The following UBR1 variants were observed in gnomAD, a reference collection of about 807,000 sequenced individuals.
The protein encoded by UBR1 is ubiquitin protein ligase E3 component n-recognin 1.
UBR1 carries 102 observed loss-of-function variants against 242.1 expected under a neutral mutation model. The ratio of observed to expected loss-of-function variants is 0.42; its 90% CI spans 0.36 to 0.50. The LOEUF is 0.50. Ranked by LOEUF, UBR1 falls within the 20% of genes least tolerant of loss-of-function variation. UBR1 has a pLI of 0.01. For missense variants in UBR1, 1,772 were observed against 2,101.8 expected, an observed-to-expected ratio of 0.84 and a Z score of 3.07; for synonymous variants, 675 against 684.8, an observed-to-expected ratio of 0.99 and a Z score of 0.22.
At chr15:42,951,149 A>G (rs1276026035) in intron 45 of UBR1, among the ~76,000 whole-genome samples, 1 of 152,238 alleles carries the variant, frequency 6.6e-6, no homozygotes, top group Non-Finnish European at 1.5e-5. Flanking sequence ...GTGGAAAGAA[A>G]AAGGATATAT....
chr15:42,990,250 T>C lies in UBR1; in HGVS notation c.3758-130A>G. The C allele has an allele frequency of 1.2e-5, 8 of 690,940 alleles. No homozygotes were observed. The South Asian group carries it at 1.4e-4, about 12-fold the overall frequency. The allele number at this position is 690,940 out of a possible 1,614,324, so 42.8% of individuals were successfully genotyped here. Reference sequence around the variant, plus strand: ...CCCATGCTGGAGCACAGTGGCATGATCATCTGTAGCTTCCATCTCCCAGGC... The same window carrying C: ...CCCATGCTGGAGCACAGTGGCATGACCATCTGTAGCTTCCATCTCCCAGGC... On this transcript the variant is annotated intron_variant, in intron 33 of 46. Coordinates refer to ENST00000290650, the MANE Select transcript of UBR1 (RefSeq NM_174916.3).
intron 4 of UBR1, among the ~76,000 whole-genome samples, chr15:43,073,683 A>G (rs2033852315): frequency 1.3e-5 from 2 of 152,188 alleles, no homozygotes; most frequent in South Asian, 2.1e-4. Context: ...TATATATTCA[A>G]TGTGATTCAA....
At chr15:42,973,198 A>G (rs1294041951) in intron 39 of UBR1, among the ~76,000 whole-genome samples, 5 of 152,144 alleles carry the variant, frequency 3.3e-5, no homozygotes, top group African/African-American at 4.8e-5. Flanking sequence ...GGATCTTGCT[A>G]TGTTGCCCAG....
intron 33 of UBR1, among the ~76,000 whole-genome samples, chr15:42,995,977 C>T (rs1388194050): frequency 6.6e-6 from 1 of 152,200 alleles, no homozygotes; most frequent in East Asian, 1.9e-4. Context: ...TGTGTACTCT[C>T]AACTAAGGTA....
intron 34 of UBR1, 121 bp downstream of exon 34, chr15:42,989,909 C>T (rs1483687510): frequency 1.3e-6 from 1 of 770,584 alleles, no homozygotes; most frequent in African/African-American, 1.8e-5. Flanking sequence ...GAGAAAGAAA[C>T]AAGATAATGG....
At chr15:43,046,325 G>C (rs566674505) in intron 14 of UBR1, among the ~76,000 whole-genome samples, 16 of 152,342 alleles carry the variant, frequency 1.1e-4, no homozygotes, top group African/African-American at 2.9e-4. Flanking sequence ...ACCAATTGCT[G>C]GTGGTGAAGC....
intron 19 of UBR1, among the ~76,000 whole-genome samples, chr15:43,032,874 T>C (rs1316148134): frequency 2.0e-5 from 3 of 152,148 alleles, no homozygotes; most frequent in East Asian, 1.9e-4. Flanking sequence ...ATCCCCCACA[T>C]AGTCATAAAT....
chr15:43,031,040 A>G (rs1183031654), intron 20 of UBR1, among the ~76,000 whole-genome samples: 1 of 152,254 alleles, frequency 6.6e-6, no homozygotes, highest in Non-Finnish European at 1.5e-5. Flanking sequence ...TTTACAAATC[A>G]GGAATCTGAG....
At chr15:42,984,471 T>C (rs1016734021) in intron 36 of UBR1, among the ~76,000 whole-genome samples, 93 of 152,336 alleles carry the variant, frequency 6.1e-4, no homozygotes, top group African/African-American at 2.2e-3. Context: ...TACAGTAGTG[T>C]CAGTATCTGC....
chr15:43,083,934 C>T (rs2034002412), intron 2 of UBR1, among the ~76,000 whole-genome samples: 1 of 151,890 alleles, frequency 6.6e-6, no homozygotes, highest in Admixed American at 6.6e-5. Context: ...AGCCCAGCTA[C>T]TCAGGAGGTT....
intron 1 of UBR1, among the ~76,000 whole-genome samples, chr15:43,092,370 C>G (rs1157442229): frequency 6.6e-6 from 1 of 152,172 alleles, no homozygotes; most frequent in Admixed American, 6.5e-5. Context: ...ATGTGTACAT[C>G]TAGCCTCTTC....
intron 1 of UBR1, among the ~76,000 whole-genome samples, chr15:43,105,645 G>C (rs184294682): frequency 7.4e-4 from 113 of 152,202 alleles, no homozygotes; most frequent in South Asian, 1.0e-3. Flanking sequence ...CTCCAACCCC[G>C]CCTCGGCCCC....
rs376156900 is a variant in UBR1, at chr15:43,023,314, G to A, written c.2740-513C>T. Among the ~76,000 whole-genome samples, 39 of 152,064 alleles carry A rather than the reference G, an allele frequency of 2.6e-4. 1 individual carries two copies. Among genetic ancestry groups the A allele is most frequent in the Non-Finnish European group, 7.4e-5 (5 of 68,012 alleles). Reference sequence around the variant, plus strand: ...ATATGAAAAATGTTCAACCTGGCCCGGAGCTGGTGGCTCACTTCTGTAATC... The same window carrying A: ...ATATGAAAAATGTTCAACCTGGCCCAGAGCTGGTGGCTCACTTCTGTAATC... On this transcript the variant is annotated intron_variant, in intron 25 of 46. Transcript: ENST00000290650.
At chr15:43,042,161 T>C (rs751411775) in intron 15 of UBR1, among the ~76,000 whole-genome samples, 2 of 152,066 alleles carry the variant, frequency 1.3e-5, no homozygotes, top group Non-Finnish European at 2.9e-5. Context: ...TCCCAAATGA[T>C]CCAGCAATTC....
At chr15:43,034,236 A>C (rs2033298379) in intron 19 of UBR1, among the ~76,000 whole-genome samples, 1 of 109,426 alleles carries the variant, frequency 9.1e-6, no homozygotes, top group Admixed American at 1.1e-4. Context: ...ACTCCATCTC[A>C]AAAATAAATA....
chr15:43,016,181 A>G (rs2033021023), intron 28 of UBR1, among the ~76,000 whole-genome samples: 1 of 152,248 alleles, frequency 6.6e-6, no homozygotes, highest in Non-Finnish European at 1.5e-5. Context: ...TCATTTGTCA[A>G]TCACTTAATC....
chr15:42,998,651 T>C (rs1479342121), intron 32 of UBR1, among the ~76,000 whole-genome samples: 1 of 152,192 alleles, frequency 6.6e-6, no homozygotes, highest in African/African-American at 2.4e-5. Flanking sequence ...TCATCACTTC[T>C]TCCTACCTCT....
At chr15:42,982,484 G>T (rs1479409900) in intron 37 of UBR1, among the ~76,000 whole-genome samples, 2 of 152,174 alleles carry the variant, frequency 1.3e-5, no homozygotes, top group African/African-American at 4.8e-5. Context: ...ATCAACATTA[G>T]ATTTCTATTA....
chr15:43,036,682 A>G, intron 17 of UBR1, 89 bp from the exon 18 acceptor site: 1 of 930,908 alleles, frequency 1.1e-6, no homozygotes, highest in Non-Finnish European at 1.7e-6. Flanking sequence ...AACTTTCTCT[A>G]AGCTAGAAAC....
Sources: gnomAD v4.1 joint callset for allele counts (sites outside exome capture counted in the v4.1 genomes callset) on GRCh38, gnomAD v4.1.1 for gene constraint, MANE v1.5 for transcripts, NCBI Gene and HGNC (gene_info 2026-07-23, HGNC 2026-07-21) for gene names.